The following ZNF678 variants were observed in gnomAD, a reference collection of about 807,000 sequenced individuals.
The protein encoded by ZNF678 is zinc finger protein 678.
Under a neutral mutation model 3.0 loss-of-function variants are expected in ZNF678, and 5 were observed. That is an observed-to-expected ratio of 1.69 (90% confidence interval 0.88 to 3.56). The LOEUF is 3.56. Among genes scored for constraint, ZNF678 ranks in the 30% most tolerant of loss-of-function variants. The pLI, the probability that ZNF678 is intolerant of heterozygous loss-of-function variation, is 0.00. For synonymous variants in ZNF678, 218 were observed against 199.6 expected, an observed-to-expected ratio of 1.09 and a Z score of -0.78; for missense variants, 593 against 605.0, an observed-to-expected ratio of 0.98 and a Z score of 0.21.
At chr1:227,572,707 T>C (rs948885585) in intron 1 of ZNF678, among the ~76,000 whole-genome samples, 1 of 152,216 alleles carries the variant, frequency 6.6e-6, no homozygotes, top group African/African-American at 2.4e-5. Flanking sequence ...CCAAGTGTGC[T>C]GGACAACTCA....
intron 5 of ZNF678, among the ~76,000 whole-genome samples, chr1:227,674,898 C>T (rs1659655975): frequency 6.6e-6 from 1 of 152,150 alleles, no homozygotes; most frequent in African/African-American, 2.4e-5. Context: ...GCCTATTTTT[C>T]TATTTCTATC....
chr1:227,630,948 G>C (rs1658533371), intron 1 of ZNF678, among the ~76,000 whole-genome samples: 1 of 152,088 alleles, frequency 6.6e-6, no homozygotes, highest in Non-Finnish European at 1.5e-5. Context: ...TACAAAAGAG[G>C]TCTAGCTGTA....
intron 1 of ZNF678, among the ~76,000 whole-genome samples, chr1:227,631,675 A>G (rs1658549932): frequency 6.6e-6 from 1 of 152,270 alleles, no homozygotes; most frequent in African/African-American, 2.4e-5. Context: ...TGACAGATGG[A>G]TCCTACTTAT....
At chr1:227,664,626 G>A (rs559333151), downstream of ZNF678, among the ~76,000 whole-genome samples, 7 of 152,222 alleles carry the variant, frequency 4.6e-5, no homozygotes, top group African/African-American at 1.7e-4. Context: ...AAGAGCCTTG[G>A]AAAAGTCAGG....
chr1:227,629,956 T>A (rs79108111), intron 1 of ZNF678, among the ~76,000 whole-genome samples: 8 of 152,010 alleles, frequency 5.3e-5, no homozygotes, highest in Non-Finnish European at 1.2e-4. Flanking sequence ...TTTTTTTTTT[T>A]AATCCCATTC....
At chr1:227,645,972 A>G (rs970525279) in intron 1 of ZNF678, among the ~76,000 whole-genome samples, 1 of 152,208 alleles carries the variant, frequency 6.6e-6, no homozygotes, top group Non-Finnish European at 1.5e-5. Context: ...TTCTTAAATT[A>G]TTTGGCCTAT....
In ZNF678 at chr1:227,661,927, T is replaced by C. The variant is rs1436247403; in HGVS notation, c.*6099T>C. On this transcript the variant is annotated 3_prime_UTR_variant, in exon 4 of 4. Transcript: ENST00000343776. ...TTACTCTAGATTCAGCTTAGACTCA[T>C]TTTTATACTACTCGGGGGACAAGGA... The C allele has an allele frequency of 6.6e-6, 1 of 152,226 alleles. No homozygotes were observed. The highest frequency in any genetic ancestry group is 1.5e-5 in the Non-Finnish European group (1 of 68,058). 9.4% of individuals were successfully genotyped at this position (152,226 alleles called of 1,614,324 possible). A position where few individuals can be genotyped will look rare whatever the true frequency, so the allele number is the denominator to read the frequency against.
chr1:227,671,510 A>G (rs1659601941), intron 5 of ZNF678, among the ~76,000 whole-genome samples: 1 of 152,104 alleles, frequency 6.6e-6, no homozygotes, highest in African/African-American at 2.4e-5. Flanking sequence ...TTTATCCTAC[A>G]CAATCATTGT....
chr1:227,566,785 A>G (rs1571851350), intron 1 of ZNF678, among the ~76,000 whole-genome samples: 2 of 152,192 alleles, frequency 1.3e-5, no homozygotes, highest in East Asian at 1.9e-4. Flanking sequence ...ATGTAGTCAT[A>G]TACTTCATTT....
chr1:227,627,494 C>T (rs1263593790), intron 1 of ZNF678, among the ~76,000 whole-genome samples: 1 of 152,084 alleles, frequency 6.6e-6, no homozygotes, highest in African/African-American at 2.4e-5. Context: ...CCTTTCTTTT[C>T]CTTTCTGATG....
intron 1 of ZNF678, among the ~76,000 whole-genome samples, chr1:227,597,801 G>T (rs1397609453): frequency 2.6e-5 from 4 of 152,190 alleles, no homozygotes; most frequent in Admixed American, 2.0e-4. Context: ...ATGACACTAA[G>T]CTCAGTAAAG....
At chr1:227,595,646 A>G (rs1306756534) in intron 1 of ZNF678, among the ~76,000 whole-genome samples, 2 of 152,154 alleles carry the variant, frequency 1.3e-5, no homozygotes, top group African/African-American at 4.8e-5. Context: ...GCACACCACA[A>G]AACAAAGAAC....
At chr1:227,573,711 G>A (rs1297878798) in intron 1 of ZNF678, among the ~76,000 whole-genome samples, 3 of 99,614 alleles carry the variant, frequency 3.0e-5, no homozygotes, top group African/African-American at 9.7e-5. Context: ...ACATGTGCAG[G>A]TTTGTTACAT....
intron 2 of ZNF678, 97 bp from the exon 3 acceptor site, chr1:227,650,859 A>G: frequency 1.1e-6 from 1 of 873,016 alleles, no homozygotes; most frequent in Non-Finnish European, 1.7e-6. Flanking sequence ...CTTTCTACAT[A>G]TAAGATAATG....
chr1:227,595,951 C>T (rs1220108758), intron 1 of ZNF678, among the ~76,000 whole-genome samples: 1 of 152,208 alleles, frequency 6.6e-6, no homozygotes, highest in Admixed American at 6.5e-5. Context: ...TGTGGGTGAT[C>T]AGTCCATGCT....
downstream of ZNF678, among the ~76,000 whole-genome samples, chr1:227,666,802 T>G (rs941554997): frequency 6.8e-6 from 1 of 146,576 alleles, no homozygotes; most frequent in Non-Finnish European, 1.5e-5. Flanking sequence ...TGGAGTGCAA[T>G]GGCAGGATCT....
intron 1 of ZNF678, among the ~76,000 whole-genome samples, chr1:227,586,246 A>T (rs937514826): frequency 6.6e-5 from 10 of 152,234 alleles, no homozygotes; most frequent in Admixed American, 5.2e-4. Context: ...TCAAATGAAC[A>T]ACAAAATATT....
intron 1 of ZNF678, among the ~76,000 whole-genome samples, chr1:227,623,045 A>G (rs952940727): frequency 2.3e-4 from 35 of 152,370 alleles, no homozygotes; most frequent in Admixed American, 1.6e-3. Context: ...CAGCCCCTCT[A>G]TGTACTACAG....
chr1:227,596,923 C>A (rs1170108609), intron 1 of ZNF678, among the ~76,000 whole-genome samples: 1 of 152,160 alleles, frequency 6.6e-6, no homozygotes, highest in East Asian at 1.9e-4. Context: ...ACACAAAGTC[C>A]AAATTCAACA....
Sources: allele counts gnomAD v4.1 joint callset (sites outside exome capture counted in the v4.1 genomes callset), GRCh38; gene constraint gnomAD v4.1.1; transcripts MANE v1.5; gene names NCBI Gene and HGNC (gene_info 2026-07-23, HGNC 2026-07-21).